The following DOCK4 variants were observed in gnomAD, a reference collection of about 807,000 sequenced individuals.
The protein encoded by DOCK4 is dedicator of cytokinesis 4.
DOCK4 carries 97 observed loss-of-function variants against 268.1 expected under a neutral mutation model. The observed-to-expected ratio is 0.36, with a 90% CI of 0.31 to 0.43. The LOEUF (loss-of-function observed/expected upper bound fraction) is 0.43. Ranked by LOEUF, DOCK4 falls within the 20% of genes least tolerant of loss-of-function variation. The pLI, the probability that DOCK4 is intolerant of heterozygous loss-of-function variation, is 1.00. For synonymous variants in DOCK4, 954 were observed against 887.2 expected (o/e 1.08, Z -1.34); for missense variants, 2,145 against 2,455.7 (o/e 0.87, Z 2.67).
intron 1 of DOCK4, among the ~76,000 whole-genome samples, chr7:112,129,230 C>A (rs1419672784): frequency 6.6e-6 from 1 of 152,098 alleles, no homozygotes; most frequent in African/African-American, 2.4e-5. Flanking sequence ...AAGGAGTGAA[C>A]TATTTATAAC....
intron 1 of DOCK4, among the ~76,000 whole-genome samples, chr7:112,040,326 T>C (rs1286481357): frequency 5.9e-5 from 9 of 152,180 alleles, no homozygotes; most frequent in Non-Finnish European, 1.3e-4. Flanking sequence ...GGTTTCAAAA[T>C]GTACAATAAT....
intron 9 of DOCK4, 83 bp downstream of exon 9, chr7:111,945,634 C>G: frequency 8.5e-7 from 1 of 1,182,676 alleles, no homozygotes; most frequent in Non-Finnish European, 1.2e-6. Context: ...TCACTATGTT[C>G]TCTCACAGTA....
At chr7:112,026,849 C>CT (rs1802841272) in intron 1 of DOCK4, among the ~76,000 whole-genome samples, 1 of 152,154 alleles carries the variant, frequency 6.6e-6, no homozygotes, top group Non-Finnish European at 1.5e-5. Flanking sequence ...GCCTATTACT[C>CT]TCCCGGTCAT....
chr7:111,805,237 CAT>C (rs1252970693), intron 30 of DOCK4, among the ~76,000 whole-genome samples: 1 of 152,158 alleles, frequency 6.6e-6, no homozygotes, highest in Non-Finnish European at 1.5e-5. Flanking sequence ...TTCCTGTAGA[CAT>C]AAAAATGGGT....
rs756722863 is a variant in DOCK4 at position 111,877,115 on chromosome 7, A to T, written c.1659T>A (p.Leu553=). 1 of 1,593,212 alleles carries T rather than the reference A, an allele frequency of 6.3e-7. No individual in the cohort carries two copies. The highest frequency in any genetic ancestry group is 1.1e-5 in the South Asian group (1 of 87,208). ...CCTTCATGGCTTGATTATTATTCCC[A>T]AGGAAAATGCCCTTGGAAAAGGGAA... ...LKLPFSKGIF[L]GNNNQAMKAT... Residue 553 remains leucine (L), a synonymous_variant, in exon 17 of 53, where the codon CTT becomes CTA. Transcript: ENST00000428084.
intron 8 of DOCK4, chr7:111,971,766 G>T: frequency 3.3e-6 from 1 of 303,390 alleles, no homozygotes; most frequent in Non-Finnish European, 6.2e-6. Context: ...TGAATGAACG[G>T]GTCAATCGCA....
At chr7:111,805,536 G>A (rs1025048341) in intron 30 of DOCK4, among the ~76,000 whole-genome samples, 32 of 152,196 alleles carry the variant, frequency 2.1e-4, no homozygotes, top group African/African-American at 7.7e-4. Context: ...AACATAAGCA[G>A]TTCTAGGTCT....
intron 16 of DOCK4, among the ~76,000 whole-genome samples, chr7:111,887,600 G>A (rs1296299205): frequency 6.6e-6 from 1 of 152,056 alleles, no homozygotes; most frequent in African/African-American, 2.4e-5. Flanking sequence ...AATGTCTAGT[G>A]GCTTTAGCCC....
chr7:112,136,447 G>C lies in DOCK4; in HGVS notation c.37+69655C>G, dbSNP rs1056064179. 6.6e-5 allele frequency among the ~76,000 whole-genome samples: 10 copies of C among 152,218 alleles called. No individual in the cohort carries two copies. The East Asian group carries it at 1.9e-3, about 29-fold the overall frequency. ...ACCTTAATCCAGACAATTACGAGAA[G>C]ATAAATCTGCTACAAAATGCCATAA... On this transcript the variant is annotated intron_variant, in intron 1 of 52. Coordinates refer to ENST00000428084, the MANE Select transcript of DOCK4 (RefSeq NM_001363540.2).
At chr7:112,179,482 A>G (rs1818832389) in intron 1 of DOCK4, among the ~76,000 whole-genome samples, 1 of 151,552 alleles carries the variant, frequency 6.6e-6, no homozygotes, top group Non-Finnish European at 1.5e-5. Context: ...TATTTGTTAC[A>G]GGAGTTTCAG....
At position 111,976,746 on chromosome 7, in the gene DOCK4, T is replaced by C. The variant is rs146210098; in HGVS notation, c.701+386A>G. On this transcript the variant is annotated intron_variant, in intron 8 of 52. Coordinates refer to ENST00000428084, the MANE Select transcript of DOCK4 (RefSeq NM_001363540.2). The stretch of plus-strand genomic sequence containing the variant: ...CCATATGATCCAGATAGGATAAGAA[T>C]AACAGAATGGTTTACTGAAAATCTG... 1,540 of 159,686 alleles carry C rather than the reference T, an allele frequency of 9.6e-3. 34 individuals carry two copies. The highest frequency in any genetic ancestry group is 0.034 in the African/African-American group (1,430 of 41,740). 9.9% of individuals were successfully genotyped at this position (159,686 alleles called of 1,614,324 possible).
intron 1 of DOCK4, among the ~76,000 whole-genome samples, chr7:112,153,350 TAGTC>T (rs1176608964): frequency 2.0e-5 from 3 of 152,302 alleles, no homozygotes; most frequent in Non-Finnish European, 2.9e-5. Flanking sequence ...GTGTTTTTAA[TAGTC>T]AGCACAACTT....
intron 1 of DOCK4, among the ~76,000 whole-genome samples, chr7:112,051,384 T>G (rs972056235): frequency 3.3e-5 from 5 of 152,086 alleles, no homozygotes; most frequent in African/African-American, 1.2e-4. Flanking sequence ...GCCTTAAAAT[T>G]TCTGCATATA....
chr7:111,973,990 A>G (rs1430763403), intron 8 of DOCK4, among the ~76,000 whole-genome samples: 1 of 152,208 alleles, frequency 6.6e-6, no homozygotes, highest in Non-Finnish European at 1.5e-5. Flanking sequence ...AGATGCGGAC[A>G]TTTGATACTC....
chr7:111,781,179 A>G (rs906264659), intron 35 of DOCK4, among the ~76,000 whole-genome samples: 13 of 152,236 alleles, frequency 8.5e-5, no homozygotes, highest in African/African-American at 3.1e-4. Context: ...AGATGGAAGA[A>G]TGGAGAGGAT....
chr7:112,135,415 G>GA (rs35037508), intron 1 of DOCK4, among the ~76,000 whole-genome samples: 3 of 151,102 alleles, frequency 2.0e-5, no homozygotes, highest in African/African-American at 7.3e-5. Flanking sequence ...AGGTACTTGA[G>GA]AAAAAAAAAT....
intron 1 of DOCK4, among the ~76,000 whole-genome samples, chr7:112,138,632 C>A (rs1207421626): frequency 6.6e-6 from 1 of 152,172 alleles, no homozygotes; most frequent in Non-Finnish European, 1.5e-5. Flanking sequence ...CCTGCCCATA[C>A]CCAACTCCCC....
At chr7:112,165,456 A>G (rs933319694) in intron 1 of DOCK4, among the ~76,000 whole-genome samples, 2 of 150,740 alleles carry the variant, frequency 1.3e-5, no homozygotes, top group African/African-American at 4.9e-5. Flanking sequence ...TAAGATAATG[A>G]CCTCCAGCTC....
At chr7:111,735,995 T>G (rs1585822117) in intron 50 of DOCK4, among the ~76,000 whole-genome samples, 1 of 152,336 alleles carries the variant, frequency 6.6e-6, no homozygotes, top group South Asian at 2.1e-4. Flanking sequence ...TTTTCTTTAG[T>G]AGAAGGGGTG....
Sources: gnomAD v4.1 joint callset for allele counts (sites outside exome capture counted in the v4.1 genomes callset) on GRCh38, gnomAD v4.1.1 for gene constraint, MANE v1.5 for transcripts, NCBI Gene and HGNC (gene_info 2026-07-23, HGNC 2026-07-21) for gene names.